The following SGCD variants were observed in gnomAD, a reference collection of about 807,000 sequenced individuals.
SGCD encodes sarcoglycan delta.
In SGCD, 18 loss-of-function variants were observed where a neutral mutation model predicts 36.6. The observed-to-expected ratio is 0.49, with a 90% confidence interval of 0.34 to 0.73. SGCD has a LOEUF of 0.73. Among genes scored for constraint, SGCD ranks in the 30% least tolerant of loss-of-function variants. The pLI, the probability that SGCD is intolerant of heterozygous loss-of-function variation, is 0.01. For synonymous variants in SGCD, 133 were observed against 130.6 expected (o/e 1.02, Z -0.12); for missense variants, 387 against 346.7 (o/e 1.12, Z -0.92).
At chr5:156,148,404 T>C (rs1173714328) in intron 3 of SGCD, among the ~76,000 whole-genome samples, 6 of 152,174 alleles carry the variant, frequency 3.9e-5, no homozygotes, top group Admixed American at 3.9e-4. Flanking sequence ...TGAGTGGTCC[T>C]GGCAGCTGTT....
At chr5:156,416,468 C>T (rs1207660190) in intron 3 of SGCD, among the ~76,000 whole-genome samples, 1 of 152,080 alleles carries the variant, frequency 6.6e-6, no homozygotes, top group Non-Finnish European at 1.5e-5. Context: ...CACTAAAGAA[C>T]TTATTCATGT....
intron 3 of SGCD, among the ~76,000 whole-genome samples, chr5:156,149,867 G>A (rs1316784961): frequency 2.0e-5 from 3 of 152,194 alleles, no homozygotes; most frequent in African/African-American, 7.2e-5. Flanking sequence ...AAAATGGTGT[G>A]TGGGCTAACG....
At chr5:156,443,228 G>T (rs778751306) in intron 3 of SGCD, among the ~76,000 whole-genome samples, 1 of 152,052 alleles carries the variant, frequency 6.6e-6, no homozygotes, top group Admixed American at 6.6e-5. Flanking sequence ...CAGATGATCT[G>T]CCTGCCTTGG....
chr5:155,962,028 T>G (rs1178400787), intron 1 of SGCD, among the ~76,000 whole-genome samples: 1 of 152,124 alleles, frequency 6.6e-6, no homozygotes, highest in African/African-American at 2.4e-5. Flanking sequence ...AATGCTTTAT[T>G]GAATTTAATC....
chr5:156,237,320 T>G (rs1765191353), intron 3 of SGCD, among the ~76,000 whole-genome samples: 1 of 152,130 alleles, frequency 6.6e-6, no homozygotes, highest in South Asian at 2.1e-4. Flanking sequence ...TGGCCATAAA[T>G]TTTATAAAAC....
chr5:155,767,392 C>A, the SGCD span, among the ~76,000 whole-genome samples: 2 of 152,318 alleles, frequency 1.3e-5, no homozygotes, highest in South Asian at 2.1e-4. Flanking sequence ...TTGGCAGTGG[C>A]ACCTTGTTAA....
chr5:156,420,049 C>T (rs1773229207), intron 3 of SGCD, among the ~76,000 whole-genome samples: 1 of 152,088 alleles, frequency 6.6e-6, no homozygotes, highest in Non-Finnish European at 1.5e-5. Context: ...GATAACAGTC[C>T]ATTGGTCTTG....
intron 7 of SGCD, among the ~76,000 whole-genome samples, chr5:156,720,241 T>A (rs546652692): frequency 6.6e-6 from 1 of 152,220 alleles, no homozygotes; most frequent in Non-Finnish European, 1.5e-5. Flanking sequence ...ACAGGCCATA[T>A]AACTAATAAG....
At chr5:155,928,405 T>A (rs1757033735) in intron 1 of SGCD, among the ~76,000 whole-genome samples, 1 of 152,130 alleles carries the variant, frequency 6.6e-6, no homozygotes, top group African/African-American at 2.4e-5. Flanking sequence ...TGGTGCCTCA[T>A]GCCTATAATC....
chr5:156,270,479 C>A (rs1766147802), intron 3 of SGCD, among the ~76,000 whole-genome samples: 1 of 152,074 alleles, frequency 6.6e-6, no homozygotes, highest in African/African-American at 2.4e-5. Context: ...ATTAAAATAT[C>A]ATATGTTATA....
At chr5:156,055,344 G>A (rs1442775471) in intron 1 of SGCD, among the ~76,000 whole-genome samples, 2 of 145,450 alleles carry the variant, frequency 1.4e-5, no homozygotes, top group Admixed American at 1.4e-4. Flanking sequence ...TTCTAAATTG[G>A]GTCTCTTCCA....
At chr5:156,507,194 G>A (rs1756740074) in intron 3 of SGCD, among the ~76,000 whole-genome samples, 2 of 152,192 alleles carry the variant, frequency 1.3e-5, no homozygotes, top group Non-Finnish European at 2.9e-5. Flanking sequence ...AAATGGAGAG[G>A]TTATCCTGGG....
At chr5:156,487,339 G>A (rs976003268) in intron 3 of SGCD, among the ~76,000 whole-genome samples, 1 of 152,282 alleles carries the variant, frequency 6.6e-6, no homozygotes, top group South Asian at 2.1e-4. Flanking sequence ...CACTATAGAT[G>A]CATGTAGAGG....
chr5:156,709,103 A>T (rs145758175), intron 7 of SGCD, among the ~76,000 whole-genome samples: 58 of 152,322 alleles, frequency 3.8e-4, no homozygotes, highest in Middle Eastern at 3.4e-3. Flanking sequence ...GTGAAGATAG[A>T]GAGCTGCTTT....
chr5:155,759,369 T>C, the SGCD span, among the ~76,000 whole-genome samples: 14 of 152,352 alleles, frequency 9.2e-5, no homozygotes, highest in Non-Finnish European at 1.3e-4. Flanking sequence ...TTTCTCTCTA[T>C]TGCTTATTCA....
chr5:156,487,166 C>G (rs147000218), intron 3 of SGCD, among the ~76,000 whole-genome samples: 1 of 152,322 alleles, frequency 6.6e-6, no homozygotes, highest in East Asian at 1.9e-4. Flanking sequence ...GGATCCCTGT[C>G]TCAAGCAAAG....
At chr5:155,799,660 G>A in the SGCD span, among the ~76,000 whole-genome samples, 1 of 151,618 alleles carries the variant, frequency 6.6e-6, no homozygotes, top group Non-Finnish European at 1.5e-5. Context: ...CCTCCAAAGT[G>A]ATGGGATTAT....
intron 3 of SGCD, among the ~76,000 whole-genome samples, chr5:156,276,108 C>G (rs1293760516): frequency 6.6e-6 from 1 of 152,076 alleles, no homozygotes; most frequent in Non-Finnish European, 1.5e-5. Flanking sequence ...AATGTCAAAC[C>G]TATACTGACA....
rs145178345 is a variant in SGCD at position 156,358,600 on chromosome 5, C to T, written c.192+13923C>T. Among the ~76,000 whole-genome samples the T allele has an allele frequency of 1.4e-4, 22 of 152,274 alleles. 1 individual carries two copies. The East Asian group carries it at 4.2e-3, about 29-fold the overall frequency. On this transcript the variant is annotated intron_variant, in intron 3 of 8. Coordinates refer to ENST00000337851, the MANE Select transcript of SGCD (RefSeq NM_000337.6). The stretch of plus-strand genomic sequence containing the variant: ...AGAGTGAAGAAGAGCAAATGCCGTT[C>T]CTCCCTCATGGAGCTATCTGTCTAA...
Sources: allele counts gnomAD v4.1 joint callset (sites outside exome capture counted in the v4.1 genomes callset), GRCh38; gene constraint gnomAD v4.1.1; transcripts MANE v1.5; gene names NCBI Gene and HGNC (gene_info 2026-07-23, HGNC 2026-07-21).